The following ANKS1B variants were observed in gnomAD, a reference collection of about 807,000 sequenced individuals.
ANKS1B encodes ankyrin repeat and sterile alpha motif domain containing 1B, also known as ankyrin repeat and sterile alpha motif domain-containing protein 1B.
A neutral mutation model predicts 148.3 loss-of-function variants in ANKS1B; 36 were observed. The ratio of observed to expected loss-of-function variants is 0.24; its 90% confidence interval spans 0.19 to 0.32. ANKS1B has a LOEUF of 0.32. ANKS1B is among the 10% of genes least tolerant of loss of function. ANKS1B has a pLI of 1.00. For missense variants in ANKS1B, 1,157 were observed against 1,542.6 expected (o/e 0.75, Z 4.19); for synonymous variants, 542 against 560.8 (o/e 0.97, Z 0.47).
chr12:99,933,535 T>C (rs1460059446), intron 1 of ANKS1B, among the ~76,000 whole-genome samples: 1 of 152,076 alleles, frequency 6.6e-6, no homozygotes, highest in Non-Finnish European at 1.5e-5. Flanking sequence ...TTGATTTCTT[T>C]TTAAGACTGT....
chr12:98,923,779 G>A (rs2099804490), intron 17 of ANKS1B, among the ~76,000 whole-genome samples: 1 of 152,212 alleles, frequency 6.6e-6, no homozygotes, highest in African/African-American at 2.4e-5. Context: ...AAAGGAAGTA[G>A]AGCCACGTAG....
At chr12:99,815,041 G>A (rs1391025184) in intron 2 of ANKS1B, among the ~76,000 whole-genome samples, 1 of 151,394 alleles carries the variant, frequency 6.6e-6, no homozygotes, top group East Asian at 1.9e-4. Flanking sequence ...TAATACCTAA[G>A]GAAATAAAAA....
intron 1 of ANKS1B, among the ~76,000 whole-genome samples, chr12:99,908,827 G>A (rs2093890985): frequency 6.6e-6 from 1 of 152,078 alleles, no homozygotes; most frequent in Admixed American, 6.6e-5. Flanking sequence ...TAACATATCT[G>A]TCATCTCAGA....
chr12:99,446,698 A>G (rs917593542), intron 10 of ANKS1B, among the ~76,000 whole-genome samples: 1 of 152,070 alleles, frequency 6.6e-6, no homozygotes, highest in African/African-American at 2.4e-5. Context: ...TTGAGGTAGG[A>G]GCACACTCTA....
At chr12:99,092,470 G>GAAAAAAAAAA (rs5800375) in intron 15 of ANKS1B, among the ~76,000 whole-genome samples, 1 of 116,692 alleles carries the variant, frequency 8.6e-6, no homozygotes. Context: ...CTGTGAAGCT[G>GAAAAAAAAAA]AAAAAAAAAA....
chr12:99,846,114 T>C (rs2086629092), intron 1 of ANKS1B, among the ~76,000 whole-genome samples: 1 of 152,150 alleles, frequency 6.6e-6, no homozygotes, highest in Non-Finnish European at 1.5e-5. Flanking sequence ...TCTATTTCTG[T>C]CATTTTATCT....
chr12:99,383,955 G>A (rs958183367), intron 12 of ANKS1B, among the ~76,000 whole-genome samples: 2 of 152,076 alleles, frequency 1.3e-5, no homozygotes, highest in African/African-American at 4.8e-5. Flanking sequence ...ACTTGCGCCT[G>A]GAAGTGTAGG....
chr12:99,255,075 A>G (rs1463979288), intron 12 of ANKS1B, among the ~76,000 whole-genome samples: 1 of 152,186 alleles, frequency 6.6e-6, no homozygotes, highest in Non-Finnish European at 1.5e-5. Flanking sequence ...TTGGAACGAT[A>G]TGTTTCTTGA....
chr12:99,972,101 C>A (rs2153837135), intron 1 of ANKS1B, among the ~76,000 whole-genome samples: 1 of 152,284 alleles, frequency 6.6e-6, no homozygotes, highest in East Asian at 1.9e-4. Flanking sequence ...CACCACTCCA[C>A]CAACTGGCCA....
rs139484249 is a variant in ANKS1B at position 99,751,376 on chromosome 12, T to C, written c.1128+21546A>G. 3.7e-3 allele frequency among the ~76,000 whole-genome samples: 568 copies of C among 152,110 alleles called. 9 individuals are homozygous for C. Among genetic ancestry groups the C allele is most frequent in the African/African-American group, 0.013 (540 of 41,524 alleles). ...ATAAAGCATCTCGAAAGTAACAAAA[T>C]GCTTCAAGAAAACTACCATAAAATA... On this transcript the variant is annotated intron_variant, in intron 8 of 26. Transcript: ENST00000683438.
intron 25 of ANKS1B, among the ~76,000 whole-genome samples, chr12:98,763,761 A>C (rs973251558): frequency 6.6e-6 from 1 of 152,214 alleles, no homozygotes; most frequent in African/African-American, 2.4e-5. Flanking sequence ...GTGCAGTCTC[A>C]TAAGTTCCTT....
intron 14 of ANKS1B, among the ~76,000 whole-genome samples, chr12:99,223,305 G>A (rs2085394308): frequency 6.6e-6 from 1 of 152,166 alleles, no homozygotes; most frequent in Non-Finnish European, 1.5e-5. Context: ...GCAGGGCCCA[G>A]GGTGGAGGAT....
intron 4 of ANKS1B, among the ~76,000 whole-genome samples, chr12:99,798,210 A>G (rs1412302723): frequency 6.6e-6 from 1 of 151,924 alleles, no homozygotes; most frequent in Non-Finnish European, 1.5e-5. Flanking sequence ...AACAATTATG[A>G]TAAGCAATAA....
intron 15 of ANKS1B, among the ~76,000 whole-genome samples, chr12:99,136,759 C>T (rs955570482): frequency 1.3e-5 from 2 of 152,116 alleles, no homozygotes; most frequent in Non-Finnish European, 2.9e-5. Flanking sequence ...GAGAAGAATG[C>T]AGGAAATGGT....
chr12:99,469,214 C>G (rs1340314694), intron 10 of ANKS1B, among the ~76,000 whole-genome samples: 1 of 147,802 alleles, frequency 6.8e-6, no homozygotes, highest in Non-Finnish European at 1.5e-5. Flanking sequence ...ACCACATGTT[C>G]TCACTCATAG....
At chr12:98,911,601 C>T (rs892121198) in intron 17 of ANKS1B, among the ~76,000 whole-genome samples, 1 of 152,162 alleles carries the variant, frequency 6.6e-6, no homozygotes, top group African/African-American at 2.4e-5. Context: ...GTCAGTGGGC[C>T]ACTGGATTCA....
At chr12:98,952,044 T>C (rs1299122839) in intron 17 of ANKS1B, among the ~76,000 whole-genome samples, 1 of 152,222 alleles carries the variant, frequency 6.6e-6, no homozygotes, top group East Asian at 1.9e-4. Flanking sequence ...AATAAATCTG[T>C]TTGCCTTTTT....
chr12:99,728,755 C>A (rs536366372), intron 8 of ANKS1B, among the ~76,000 whole-genome samples: 3 of 152,034 alleles, frequency 2.0e-5, no homozygotes, highest in Admixed American at 2.0e-4. Context: ...AAAGAAAATG[C>A]GGTAAATATA....
intron 1 of ANKS1B, among the ~76,000 whole-genome samples, chr12:99,973,674 T>C (rs1157936885): frequency 1.3e-5 from 2 of 152,198 alleles, no homozygotes; most frequent in Non-Finnish European, 2.9e-5. Flanking sequence ...ATGACTGATT[T>C]TGAGGGATTC....
Sources: allele counts gnomAD v4.1 joint callset (sites outside exome capture counted in the v4.1 genomes callset), GRCh38; gene constraint gnomAD v4.1.1; transcripts MANE v1.5; gene names NCBI Gene and HGNC (gene_info 2026-07-23, HGNC 2026-07-21).